Variants in FAM184A observed in about 807,000 individuals in gnomAD.
The protein encoded by FAM184A is protein FAM184A.
FAM184A carries 99 observed loss-of-function variants against 143.8 expected under a neutral mutation model. The ratio of observed to expected loss-of-function variants is 0.69; its 90% CI spans 0.58 to 0.81. The LOEUF (loss-of-function observed/expected upper bound fraction) is 0.81. Ranked by LOEUF, FAM184A falls within the 40% of genes least tolerant of loss-of-function variation. The pLI is 0.00. For missense variants in FAM184A, 1,217 were observed against 1,310.5 expected (o/e 0.93, Z 1.10); for synonymous variants, 427 against 446.4 (o/e 0.96, Z 0.55).
intron 1 of FAM184A, among the ~76,000 whole-genome samples, chr6:119,139,065 G>A (rs1273429572): frequency 6.6e-6 from 1 of 152,162 alleles, no homozygotes; most frequent in Non-Finnish European, 1.5e-5. Context: ...CACAGGTTCT[G>A]GGGGCCAGGA....
Position 118,996,232 on chromosome 6 carries a change from A to G in FAM184A, c.2088+6667T>C, listed in dbSNP as rs148278472. 6.7e-3 allele frequency among the ~76,000 whole-genome samples: 1,019 copies of G among 152,350 alleles called. 7 individuals carry two copies. The highest frequency in any genetic ancestry group is 0.023 in the African/African-American group (967 of 41,582). On this transcript the variant is annotated intron_variant, in intron 9 of 17. Transcript: ENST00000338891. Reference sequence around the variant, plus strand: ...TCTTAAGAGGAAGAATACTAACCACATAAGTGTGATAAAAGAGGATATAAT... The same window carrying G: ...TCTTAAGAGGAAGAATACTAACCACGTAAGTGTGATAAAAGAGGATATAAT...
intron 1 of FAM184A, among the ~76,000 whole-genome samples, chr6:119,106,712 C>T (rs1788795239): frequency 6.6e-6 from 1 of 152,116 alleles, no homozygotes; most frequent in African/African-American, 2.4e-5. Flanking sequence ...TCAGTTTTCT[C>T]ATCTCTAAAA....
chr6:119,090,845 G>T (rs1015898463), intron 1 of FAM184A, among the ~76,000 whole-genome samples: 1 of 152,128 alleles, frequency 6.6e-6, no homozygotes, highest in Admixed American at 6.6e-5. Flanking sequence ...CTCTTGGTTG[G>T]CTTACCCATG....
intron 1 of FAM184A, among the ~76,000 whole-genome samples, chr6:119,127,838 T>G (rs1301927956): frequency 6.6e-6 from 1 of 152,192 alleles, no homozygotes; most frequent in Non-Finnish European, 1.5e-5. Flanking sequence ...ATGCATTCAT[T>G]CATTCATTCA....
chr6:118,972,080 T>A (rs1240975419), intron 14 of FAM184A, among the ~76,000 whole-genome samples: 1 of 152,184 alleles, frequency 6.6e-6, no homozygotes, highest in African/African-American at 2.4e-5. Context: ...CACAGCTCCA[T>A]AAGTTGGAAC....
intron 9 of FAM184A, among the ~76,000 whole-genome samples, chr6:118,994,528 T>C (rs1562465253): frequency 6.6e-6 from 1 of 151,178 alleles, no homozygotes; most frequent in African/African-American, 2.4e-5. Flanking sequence ...CTACTAAAAA[T>C]ACAAAAAATC....
At chr6:119,022,477 GTATCT>G (rs1785482492) in intron 3 of FAM184A, among the ~76,000 whole-genome samples, 2 of 152,172 alleles carry the variant, frequency 1.3e-5, no homozygotes, top group South Asian at 4.1e-4. Flanking sequence ...AAATATTTGT[GTATCT>G]TATAAGTAAT....
At chr6:119,032,055 T>C (rs537143742) in intron 1 of FAM184A, among the ~76,000 whole-genome samples, 6 of 152,124 alleles carry the variant, frequency 3.9e-5, no homozygotes, top group Non-Finnish European at 7.3e-5. Flanking sequence ...GCGGATTACC[T>C]GAGATCAGGA....
rs921228996 is a variant in FAM184A, at chr6:119,122,522, G to A, written c.-202+26556C>T. Among the ~76,000 whole-genome samples the A allele has an allele frequency of 2.2e-4, 34 of 152,070 alleles. 1 individual carries two copies. Among genetic ancestry groups the A allele is most frequent in the African/African-American group, 8.2e-4 (34 of 41,396 alleles). On this transcript the variant is annotated intron_variant, in intron 1 of 16. Coordinates refer to the FAM184A transcript ENST00000352896. ...AACAGGAATGTATGCCAAGTAGAGA[G>A]GTCAAACATACATATTCAATAAGCT...
chr6:118,964,632 C>A, intron 16 of FAM184A, 35 bp downstream of exon 16: 2 of 1,216,246 alleles, frequency 1.6e-6, no homozygotes, highest in South Asian at 1.4e-5. Flanking sequence ...AACTTTTAAA[C>A]CACATTCCTA....
intron 1 of FAM184A, among the ~76,000 whole-genome samples, chr6:119,119,363 GT>G (rs1233044940): frequency 6.6e-6 from 1 of 152,148 alleles, no homozygotes; most frequent in East Asian, 1.9e-4. Context: ...AAACTTGCTG[GT>G]TTTACAGCTC....
chr6:119,141,234 G>T (rs1772222153), intron 1 of FAM184A, among the ~76,000 whole-genome samples: 1 of 152,224 alleles, frequency 6.6e-6, no homozygotes, highest in Admixed American at 6.5e-5. Context: ...AACCTGCCTA[G>T]TCGAATTGCC....
chr6:119,068,591 G>T (rs973505174), intron 1 of FAM184A, among the ~76,000 whole-genome samples: 21 of 152,262 alleles, frequency 1.4e-4, no homozygotes, highest in Non-Finnish European at 2.6e-4. Flanking sequence ...TCAAATAAGG[G>T]AATGCCTAAC....
intron 1 of FAM184A, among the ~76,000 whole-genome samples, chr6:119,059,555 CTTAT>C (rs1787141482): frequency 6.6e-6 from 1 of 152,158 alleles, no homozygotes; most frequent in South Asian, 2.1e-4. Context: ...TGGTTTCCAA[CTTAT>C]TTGTTTTAAA....
intron 7 of FAM184A, chr6:119,005,328 A>G (rs1266262208): frequency 6.6e-6 from 1 of 152,226 alleles, no homozygotes; most frequent in Non-Finnish European, 1.5e-5. Flanking sequence ...ACATAATTCA[A>G]AATGGAAGGT....
chr6:118,979,628 T>C (rs758712615), intron 10 of FAM184A, 110 bp from the exon 11 acceptor site: 5 of 832,192 alleles, frequency 6.0e-6, no homozygotes, highest in Non-Finnish European at 9.0e-6. Context: ...TACAAAATGT[T>C]TTAGGTTCAT....
chr6:118,995,822 A>G (rs530110199), intron 9 of FAM184A, among the ~76,000 whole-genome samples: 2 of 152,324 alleles, frequency 1.3e-5, no homozygotes, highest in South Asian at 4.1e-4. Context: ...GAAACAGATT[A>G]AGTTGATTTG....
intron 1 of FAM184A, among the ~76,000 whole-genome samples, chr6:119,028,860 T>G: frequency 6.6e-6 from 1 of 152,224 alleles, no homozygotes; most frequent in Admixed American, 6.5e-5. Flanking sequence ...TGGAATCTGA[T>G]GCTATCTTCA....
chr6:118,964,774 A>G lies in FAM184A; in HGVS notation c.3034-3T>C, dbSNP rs1251811917. 6.9e-7 allele frequency: 1 copy of G among 1,448,188 alleles called. No homozygotes were observed. The highest frequency in any genetic ancestry group is 2.3e-5 in the East Asian group (1 of 43,906). 89.7% of individuals were successfully genotyped at this position (1,448,188 alleles called of 1,614,324 possible). A position where few individuals can be genotyped will look rare whatever the true frequency, so the allele number is the denominator to read the frequency against. ...AGCTGATAAAACTTATTATCCTCCT[A>G]TGCAAAAGAATTATAAACATCTTTT... On this transcript the variant is annotated splice_region_variant and splice_polypyrimidine_tract_variant and intron_variant, in intron 15 of 17. Transcript: ENST00000338891.
Sources: allele counts gnomAD v4.1 joint callset (sites outside exome capture counted in the v4.1 genomes callset), GRCh38; gene constraint gnomAD v4.1.1; transcripts MANE v1.5; gene names NCBI Gene and HGNC (gene_info 2026-07-23, HGNC 2026-07-21).